Variants in GALNT17 observed in about 807,000 individuals in gnomAD.
GALNT17 encodes the protein UDP-GalNAc:polypeptide N-acetylgalactosaminyltransferase-like 3.
Under a neutral mutation model 63.7 loss-of-function variants are expected in GALNT17, and 29 were observed. That is an observed-to-expected ratio of 0.46 (90% CI 0.34 to 0.62). The LOEUF is 0.62. GALNT17 is among the 20% of genes least tolerant of loss of function. GALNT17 has a pLI of 0.01. For synonymous variants in GALNT17, 305 were observed against 318.3 expected (o/e 0.96, Z 0.45); for missense variants, 603 against 799.6 (o/e 0.75, Z 2.97).
At chr7:71,705,250 G>A (rs935250885) in intron 9 of GALNT17, among the ~76,000 whole-genome samples, 3 of 151,960 alleles carry the variant, frequency 2.0e-5, no homozygotes, top group Non-Finnish European at 2.9e-5. Context: ...CGGTCAATAA[G>A]CAAATGAAAA....
At chr7:71,419,931 A>G (rs1786628534) in intron 4 of GALNT17, among the ~76,000 whole-genome samples, 1 of 152,252 alleles carries the variant, frequency 6.6e-6, no homozygotes, top group Admixed American at 6.5e-5. Context: ...AGATGAGCCA[A>G]CAGGTAATTC....
At chr7:71,437,719 G>C (rs1208324578) in intron 5 of GALNT17, among the ~76,000 whole-genome samples, 1 of 152,076 alleles carries the variant, frequency 6.6e-6, no homozygotes, top group Admixed American at 6.6e-5. Context: ...TTGTTTGTTT[G>C]TTTTAAATTT....
chr7:71,342,272 G>A (rs1792018215), intron 2 of GALNT17, among the ~76,000 whole-genome samples: 1 of 152,118 alleles, frequency 6.6e-6, no homozygotes, highest in Non-Finnish European at 1.5e-5. Flanking sequence ...CTGTCACATG[G>A]CAAGAGTGGG....
intron 5 of GALNT17, among the ~76,000 whole-genome samples, chr7:71,525,990 T>C (rs959360000): frequency 6.6e-6 from 1 of 152,046 alleles, no homozygotes; most frequent in Non-Finnish European, 1.5e-5. Flanking sequence ...TCCACCTGCC[T>C]CGGCCTCCCA....
intron 1 of GALNT17, among the ~76,000 whole-genome samples, chr7:71,249,953 C>T (rs1342840086): frequency 6.6e-6 from 1 of 152,158 alleles, no homozygotes; most frequent in African/African-American, 2.4e-5. Flanking sequence ...GGGCCCAAAA[C>T]CTGCTGAAAC....
intron 6 of GALNT17, among the ~76,000 whole-genome samples, chr7:71,582,270 A>C (rs2116900921): frequency 6.6e-6 from 1 of 152,216 alleles, no homozygotes; most frequent in Middle Eastern, 3.4e-3. Context: ...CATCAATCAA[A>C]GAGTGGATGG....
At chr7:71,365,781 G>A (rs1324987514) in intron 2 of GALNT17, among the ~76,000 whole-genome samples, 2 of 152,182 alleles carry the variant, frequency 1.3e-5, no homozygotes, top group African/African-American at 4.8e-5. Context: ...CTGGTTTCAT[G>A]GAAGACAATT....
At chr7:71,301,630 T>C (rs1027323667) in intron 1 of GALNT17, among the ~76,000 whole-genome samples, 2 of 152,036 alleles carry the variant, frequency 1.3e-5, no homozygotes, top group African/African-American at 2.4e-5. Flanking sequence ...ATTGTACTTA[T>C]AGTTGAGGCA....
intron 1 of GALNT17, among the ~76,000 whole-genome samples, chr7:71,298,714 GTGT>G (rs1562981456): frequency 4.3e-4 from 25 of 57,830 alleles, no homozygotes; most frequent in East Asian, 2.5e-3. Flanking sequence ...CCAGTGGGGT[GTGT>G]GTGTGTGTGT....
intron 2 of GALNT17, among the ~76,000 whole-genome samples, chr7:71,342,868 A>G (rs763856329): frequency 6.6e-6 from 1 of 152,252 alleles, no homozygotes. Context: ...CAAAATTTCA[A>G]TTAAACAATA....
chr7:71,204,283 C>G (rs1562912367), intron 1 of GALNT17, among the ~76,000 whole-genome samples: 2 of 152,092 alleles, frequency 1.3e-5, no homozygotes, highest in East Asian at 3.9e-4. Context: ...CAGTACCATG[C>G]TGTTTTGATT....
intron 5 of GALNT17, among the ~76,000 whole-genome samples, chr7:71,432,308 A>G (rs1786881580): frequency 6.6e-6 from 1 of 152,172 alleles, no homozygotes; most frequent in South Asian, 2.1e-4. Context: ...AACTCATTTC[A>G]AGTCCTGCCA....
intron 5 of GALNT17, among the ~76,000 whole-genome samples, chr7:71,486,854 C>A (rs1787918660): frequency 6.6e-6 from 1 of 151,506 alleles, no homozygotes; most frequent in Admixed American, 6.6e-5. Flanking sequence ...CAGGGTAAGA[C>A]CCTGTCCAAA....
chr7:71,187,967 A>T (rs1230507591), intron 1 of GALNT17, among the ~76,000 whole-genome samples: 1 of 152,218 alleles, frequency 6.6e-6, no homozygotes, highest in Non-Finnish European at 1.5e-5. Flanking sequence ...GCGTGAGAAC[A>T]TACAATGTTT....
intron 6 of GALNT17, among the ~76,000 whole-genome samples, chr7:71,632,086 C>T (rs1458330920): frequency 7.1e-6 from 1 of 140,676 alleles, no homozygotes; most frequent in African/African-American, 2.6e-5. Context: ...GATGTTTAGT[C>T]TAAAAAAAAA....
At chr7:71,637,863 A>C (rs1790550118) in intron 6 of GALNT17, among the ~76,000 whole-genome samples, 1 of 152,224 alleles carries the variant, frequency 6.6e-6, no homozygotes, top group Non-Finnish European at 1.5e-5. Flanking sequence ...CTTGCGCAAG[A>C]AAGAATTCAG....
chr7:71,508,074 T>C (rs1788295968), intron 5 of GALNT17, among the ~76,000 whole-genome samples: 1 of 152,150 alleles, frequency 6.6e-6, no homozygotes, highest in Admixed American at 6.5e-5. Flanking sequence ...CTTGCCGTAA[T>C]GAGATGGAGG....
chr7:71,436,215 G>A (rs960290503), intron 5 of GALNT17, among the ~76,000 whole-genome samples: 2 of 152,126 alleles, frequency 1.3e-5, no homozygotes, highest in South Asian at 2.1e-4. Flanking sequence ...TGGTTACATG[G>A]CTGTAGTCTC....
intron 2 of GALNT17, among the ~76,000 whole-genome samples, chr7:71,362,457 A>G (rs1359938772): frequency 6.6e-6 from 1 of 152,178 alleles, no homozygotes; most frequent in African/African-American, 2.4e-5. Context: ...ATTCTCCTAA[A>G]TGGCAGTATA....
Sources: allele counts gnomAD v4.1 joint callset (sites outside exome capture counted in the v4.1 genomes callset), GRCh38; gene constraint gnomAD v4.1.1; transcripts MANE v1.5; gene names NCBI Gene and HGNC (gene_info 2026-07-23, HGNC 2026-07-21).